SLC41A3: variants seen among roughly 807,000 people sequenced by gnomAD.
SLC41A3 encodes the protein SLC41A1-like 2.
In SLC41A3, 44 loss-of-function variants were observed where a neutral mutation model predicts 45.4. That is an observed-to-expected ratio of 0.97 (90% CI 0.76 to 1.25). The LOEUF is 1.25. Ranked by LOEUF, SLC41A3 falls within the 50% of genes most tolerant of loss-of-function variation. The pLI is 0.00. For synonymous variants in SLC41A3, 256 were observed against 252.4 expected, an observed-to-expected ratio of 1.01 and a Z score of -0.13; for missense variants, 550 against 600.6, an observed-to-expected ratio of 0.92 and a Z score of 0.88.
intron 4 of SLC41A3, among the ~76,000 whole-genome samples, chr3:126,033,191 G>C (rs1423708732): frequency 1.3e-5 from 2 of 152,210 alleles, no homozygotes; most frequent in Non-Finnish European, 2.9e-5. Context: ...CAGGCAGGAA[G>C]GATCTACAGA....
At position 126,041,655 on chromosome 3, in the gene SLC41A3, T is replaced by C. The variant is rs375447550; in HGVS notation, c.382-7977A>G. ...AAGTAAAGCATTTTCCTACTCCAAA[T>C]GTCCAAAGTTTACTTCCAACAAATC... On this transcript the variant is annotated intron_variant, in intron 3 of 10. Transcript: ENST00000360370. 7.9e-5 allele frequency among the ~76,000 whole-genome samples: 12 copies of C among 152,356 alleles called. 1 individual carries two copies. In the South Asian group the frequency reaches 1.2e-3, roughly 16 times the overall value.
chr3:126,055,215 T>TTAAATTTA (rs2107922624), intron 2 of SLC41A3, among the ~76,000 whole-genome samples: 1 of 152,222 alleles, frequency 6.6e-6, no homozygotes, highest in East Asian at 1.9e-4. Context: ...TATTTACAGA[T>TTAAATTTA]TAAAAAGCAA....
At position 126,068,203 on chromosome 3, in the gene SLC41A3, G is replaced by A. The variant is rs758225862; in HGVS notation, c.17C>T (p.Thr6Ile). 26 of 1,545,334 alleles carry A rather than the reference G, an allele frequency of 1.7e-5. No homozygotes were observed. In the South Asian group the frequency reaches 3.3e-4, roughly 19 times the overall value. MDGTE[T>I]RQRRLDSCGK... Reference sequence around the variant, plus strand: ...ACAGCTGTCCAGCCTCCGCTGCCGGGTCTCTGTCCCATCCATCTGGGCACA... The same window carrying A: ...ACAGCTGTCCAGCCTCCGCTGCCGGATCTCTGTCCCATCCATCTGGGCACA... Residue 6 changes from threonine (T) to isoleucine (I), a missense_variant, in exon 2 of 11, where the codon ACC becomes ATC. By Grantham distance (89) the Thr-to-Ile change is moderately conservative. Coordinates refer to ENST00000360370, the MANE Select transcript of SLC41A3 (RefSeq NM_017836.4).
At chr3:126,087,038 T>C (rs1350079778), upstream of SLC41A3, among the ~76,000 whole-genome samples, 1 of 152,182 alleles carries the variant, frequency 6.6e-6, no homozygotes, top group Non-Finnish European at 1.5e-5. Flanking sequence ...GAATTGTTAG[T>C]ATTTTTGTTT....
chr3:126,046,075 T>C lies in SLC41A3; in HGVS notation c.381+4868A>G, dbSNP rs539960665. Among the ~76,000 whole-genome samples, 5 of 149,152 alleles carry C rather than the reference T, an allele frequency of 3.4e-5. No homozygotes were observed. The South Asian group carries it at 6.3e-4, about 19-fold the overall frequency. ...TAAAAAAAAAAAACACCCAACAAAC[T>C]AGAAATAAAAGGAAACTACCTCAAC... is the stretch of plus-strand genomic sequence containing the variant. On this transcript the variant is annotated intron_variant, in intron 3 of 10. Coordinates refer to ENST00000360370, the MANE Select transcript of SLC41A3 (RefSeq NM_017836.4).
At chr3:126,060,973 C>A (rs192141673) in intron 2 of SLC41A3, among the ~76,000 whole-genome samples, 1 of 152,224 alleles carries the variant, frequency 6.6e-6, no homozygotes, top group Non-Finnish European at 1.5e-5. Context: ...AGGATCAGAA[C>A]GTTGAGGACC....
At chr3:126,053,688 A>G (rs1943484599) in intron 2 of SLC41A3, among the ~76,000 whole-genome samples, 1 of 152,148 alleles carries the variant, frequency 6.6e-6, no homozygotes, top group Non-Finnish European at 1.5e-5. Flanking sequence ...TAGCAAATAC[A>G]CTGACTGATA....
At chr3:126,096,126 T>G (rs1945595078) in intron 1 of SLC41A3, among the ~76,000 whole-genome samples, 1 of 152,220 alleles carries the variant, frequency 6.6e-6, no homozygotes, top group Non-Finnish European at 1.5e-5. Flanking sequence ...CAGGCACACC[T>G]GACCTTAATG....
intron 1 of SLC41A3, among the ~76,000 whole-genome samples, chr3:126,081,576 G>A (rs1207823376): frequency 6.6e-6 from 1 of 152,226 alleles, no homozygotes; most frequent in African/African-American, 2.4e-5. Context: ...CAAGTTACAT[G>A]AACGTGTTAA....
At chr3:126,034,579 A>G (rs892624623) in intron 3 of SLC41A3, among the ~76,000 whole-genome samples, 1 of 152,238 alleles carries the variant, frequency 6.6e-6, no homozygotes, top group African/African-American at 2.4e-5. Flanking sequence ...TTGAGTAGAT[A>G]TGACACCCAC....
Position 126,006,812 on chromosome 3 carries a change from G to T in SLC41A3, c.*204C>A. ...CATCATATTCACACACTCAAGCCAT[G>T]CTCTTGATTTCAGGGCTCTATTGCA... On this transcript the variant is annotated 3_prime_UTR_variant, in exon 11 of 11. Coordinates refer to ENST00000360370, the MANE Select transcript of SLC41A3 (RefSeq NM_017836.4). 1.4e-6 allele frequency: 2 copies of T among 1,446,174 alleles called. No individual in the cohort carries two copies. Among genetic ancestry groups the T allele is most frequent in the Non-Finnish European group, 1.8e-6 (2 of 1,106,040 alleles). The allele number at this position is 1,446,174 out of a possible 1,614,324, so 89.6% of individuals were successfully genotyped here.
chr3:126,083,537 C>T (rs1003838867), intron 1 of SLC41A3, among the ~76,000 whole-genome samples: 5 of 152,134 alleles, frequency 3.3e-5, no homozygotes, highest in Non-Finnish European at 7.4e-5. Context: ...CAGAGGTTTG[C>T]ACCGAGCCCA....
intron 2 of SLC41A3, among the ~76,000 whole-genome samples, chr3:126,062,684 A>T (rs1468848556): frequency 1.3e-5 from 2 of 152,240 alleles, no homozygotes; most frequent in African/African-American, 4.8e-5. Context: ...CCAACACTGC[A>T]ACAAAAGAAG....
At chr3:126,086,729 A>G (rs1945403022), upstream of SLC41A3, among the ~76,000 whole-genome samples, 1 of 152,076 alleles carries the variant, frequency 6.6e-6, no homozygotes, top group African/African-American at 2.4e-5. Context: ...ACAACTGCCC[A>G]GGGTGATGAA....
chr3:126,018,798 G>GT, intron 6 of SLC41A3, among the ~76,000 whole-genome samples: 1 of 152,338 alleles, frequency 6.6e-6, no homozygotes. Context: ...AAAGGTAGAA[G>GT]TTAACAACCC....
At chr3:126,024,465 T>G (rs1026160758) in intron 5 of SLC41A3, 12 of 152,240 alleles carry the variant, frequency 7.9e-5, no homozygotes, top group African/African-American at 2.2e-4. Context: ...GCGCAGGCTG[T>G]GACTAGGAGC....
intron 3 of SLC41A3, among the ~76,000 whole-genome samples, chr3:126,043,586 A>G (rs1942734406): frequency 6.6e-6 from 1 of 152,088 alleles, no homozygotes; most frequent in South Asian, 2.1e-4. Context: ...TAGGTACACA[A>G]TATAAAAAGA....
At chr3:126,092,704 C>T (rs1314493980) in intron 1 of SLC41A3, 1 of 152,498 alleles carries the variant, frequency 6.6e-6, no homozygotes, top group African/African-American at 2.4e-5. Flanking sequence ...CCCGAGTACT[C>T]TTAAAGCAAT....
At chr3:126,051,173 T>A in intron 2 of SLC41A3, 123 bp from the exon 3 acceptor site, 3 of 1,139,012 alleles carry the variant, frequency 2.6e-6, no homozygotes, top group East Asian at 5.6e-5. Flanking sequence ...TAGGACTAAG[T>A]ACTTTCTTAA....
Sources: allele counts gnomAD v4.1 joint callset (sites outside exome capture counted in the v4.1 genomes callset), GRCh38; gene constraint gnomAD v4.1.1; transcripts MANE v1.5; gene names NCBI Gene and HGNC (gene_info 2026-07-23, HGNC 2026-07-21).